Variants in KCTD8 observed in about 807,000 individuals in gnomAD.
The protein encoded by KCTD8 is BTB/POZ domain-containing protein KCTD8.
Under a neutral mutation model 31.5 loss-of-function variants are expected in KCTD8, and 27 were observed. The observed-to-expected ratio is 0.86, with a 90% CI of 0.63 to 1.18. The LOEUF is 1.18. KCTD8 is among the 50% of genes most tolerant of loss of function. The probability of loss-of-function intolerance (pLI) is 0.00; values close to 1 mark genes in which losing one functional copy is unlikely to be tolerated. For missense variants in KCTD8, 658 were observed against 647.7 expected, an observed-to-expected ratio of 1.02 and a Z score of -0.17; for synonymous variants, 290 against 280.0, an observed-to-expected ratio of 1.04 and a Z score of -0.36.
At chr4:44,384,582 C>G (rs1213817794) in intron 1 of KCTD8, among the ~76,000 whole-genome samples, 1 of 151,678 alleles carries the variant, frequency 6.6e-6, no homozygotes, top group Non-Finnish European at 1.5e-5. Flanking sequence ...AAAGATTGCT[C>G]TCATATAAGT....
chr4:44,226,339 G>C (rs1398344865), intron 1 of KCTD8, among the ~76,000 whole-genome samples: 2 of 152,076 alleles, frequency 1.3e-5, no homozygotes, highest in Admixed American at 6.6e-5. Flanking sequence ...ATGGCTTTCA[G>C]CTTCATCTAT....
rs1713122353 is a variant in KCTD8, at chr4:44,174,057, T to G, written c.*733A>C. On this transcript the variant is annotated 3_prime_UTR_variant, in exon 2 of 2. Transcript: ENST00000360029. Reference sequence around the variant, plus strand: ...CTCATTTCACAGTAATAATCATGACTAGCATTAGTAAATGAATGTTGATGC... The same window carrying G: ...CTCATTTCACAGTAATAATCATGACGAGCATTAGTAAATGAATGTTGATGC... The G allele has an allele frequency of 6.6e-6, 1 of 152,140 alleles. No individual in the cohort carries two copies. The allele number at this position is 152,140 out of a possible 1,614,324, so 9.4% of individuals were successfully genotyped here. A position where few individuals can be genotyped will look rare whatever the true frequency, so the allele number is the denominator to read the frequency against.
At chr4:44,232,806 T>C (rs1715162878) in intron 1 of KCTD8, among the ~76,000 whole-genome samples, 1 of 151,994 alleles carries the variant, frequency 6.6e-6, no homozygotes, top group Non-Finnish European at 1.5e-5. Context: ...CAATATTATT[T>C]ATACTTATTT....
At chr4:44,399,609 C>A (rs1286478889) in intron 1 of KCTD8, among the ~76,000 whole-genome samples, 3 of 152,104 alleles carry the variant, frequency 2.0e-5, no homozygotes, top group Admixed American at 1.3e-4. Context: ...GGTCCCCCAG[C>A]ATAATTCAGG....
Position 44,330,646 on chromosome 4 carries a change from T to C in KCTD8, c.961+116917A>G, listed in dbSNP as rs1489554783. Among the ~76,000 whole-genome samples, 13 of 152,080 alleles carry C rather than the reference T, an allele frequency of 8.5e-5. No individual in the cohort carries two copies. The East Asian group carries it at 2.3e-3, about 27-fold the overall frequency. Reference sequence around the variant, plus strand: ...TCTGACAATTACCACAGGTGTGAACTTCAATAATTCAATTAATTAATTTTT... The same window carrying C: ...TCTGACAATTACCACAGGTGTGAACCTCAATAATTCAATTAATTAATTTTT... On this transcript the variant is annotated intron_variant, in intron 1 of 1. Coordinates refer to ENST00000360029, the MANE Select transcript of KCTD8 (RefSeq NM_198353.3).
intron 1 of KCTD8, among the ~76,000 whole-genome samples, chr4:44,400,990 C>T (rs2109456485): frequency 1.3e-5 from 2 of 150,082 alleles, no homozygotes; most frequent in East Asian, 2.0e-4. Context: ...GTGCACACTA[C>T]CATGATGGCT....
At chr4:44,376,532 G>A (rs930262578) in intron 1 of KCTD8, among the ~76,000 whole-genome samples, 10 of 152,224 alleles carry the variant, frequency 6.6e-5, no homozygotes, top group Middle Eastern at 3.4e-3. Context: ...TACTGTTGAT[G>A]TTTTCTACTG....
At chr4:44,332,678 C>A (rs962122277) in intron 1 of KCTD8, among the ~76,000 whole-genome samples, 1 of 151,866 alleles carries the variant, frequency 6.6e-6, no homozygotes, top group Non-Finnish European at 1.5e-5. Flanking sequence ...GAAATAGGTT[C>A]TTTTTCACTC....
chr4:44,370,050 G>C (rs1451036980), intron 1 of KCTD8, among the ~76,000 whole-genome samples: 2 of 152,224 alleles, frequency 1.3e-5, no homozygotes, highest in East Asian at 3.9e-4. Flanking sequence ...TTCTGACATT[G>C]CAATTCTGTT....
intron 1 of KCTD8, among the ~76,000 whole-genome samples, chr4:44,310,002 A>G (rs1717906943): frequency 6.6e-6 from 1 of 152,100 alleles, no homozygotes; most frequent in African/African-American, 2.4e-5. Flanking sequence ...CCTTGGAGAG[A>G]TCCTTAAAAG....
At chr4:44,313,384 T>C (rs1178324127) in intron 1 of KCTD8, among the ~76,000 whole-genome samples, 1 of 152,216 alleles carries the variant, frequency 6.6e-6, no homozygotes, top group Non-Finnish European at 1.5e-5. Context: ...CAGGCAGTGA[T>C]GCCCTAAAGT....
At chr4:44,407,507 C>T (rs532170486) in intron 1 of KCTD8, among the ~76,000 whole-genome samples, 86 of 152,040 alleles carry the variant, frequency 5.7e-4, no homozygotes, top group African/African-American at 2.0e-3. Flanking sequence ...CTGTCTCAGC[C>T]TCCTGAGTAG....
intron 1 of KCTD8, among the ~76,000 whole-genome samples, chr4:44,229,640 G>A (rs535855281): frequency 9.9e-5 from 15 of 152,180 alleles, no homozygotes; most frequent in Admixed American, 3.3e-4. Context: ...CTTGGTGCCC[G>A]CTTGGGTCTC....
chr4:44,247,112 C>T (rs1195362629), intron 1 of KCTD8, among the ~76,000 whole-genome samples: 3 of 152,020 alleles, frequency 2.0e-5, no homozygotes, highest in Non-Finnish European at 4.4e-5. Flanking sequence ...GTCATTGTCA[C>T]CACCTAAGCG....
chr4:44,385,222 G>A (rs924215015), intron 1 of KCTD8, among the ~76,000 whole-genome samples: 2 of 151,474 alleles, frequency 1.3e-5, no homozygotes, highest in African/African-American at 2.4e-5. Flanking sequence ...AAAAAGTTCA[G>A]CCTAAAATTC....
chr4:44,189,141 C>T (rs908482666), intron 1 of KCTD8, among the ~76,000 whole-genome samples: 12 of 152,082 alleles, frequency 7.9e-5, no homozygotes, highest in African/African-American at 1.7e-4. Context: ...CAGGCTCTAT[C>T]GAATTATCTT....
At chr4:44,377,341 C>G (rs748383238) in intron 1 of KCTD8, among the ~76,000 whole-genome samples, 1 of 152,122 alleles carries the variant, frequency 6.6e-6, no homozygotes, top group African/African-American at 2.4e-5. Context: ...TCCTGAGAAG[C>G]GCCCTTTCTG....
At chr4:44,308,808 A>G (rs1436192864) in intron 1 of KCTD8, among the ~76,000 whole-genome samples, 1 of 152,156 alleles carries the variant, frequency 6.6e-6, no homozygotes, top group African/African-American at 2.4e-5. Flanking sequence ...ATGAATATGA[A>G]AAAACACATA....
intron 1 of KCTD8, among the ~76,000 whole-genome samples, chr4:44,388,420 T>C (rs1423273840): frequency 2.6e-5 from 4 of 151,782 alleles, no homozygotes; most frequent in African/African-American, 7.2e-5. Flanking sequence ...TTCACTGCAG[T>C]ACTATTTACA....
Sources: allele counts gnomAD v4.1 joint callset (sites outside exome capture counted in the v4.1 genomes callset), GRCh38; gene constraint gnomAD v4.1.1; transcripts MANE v1.5; gene names NCBI Gene and HGNC (gene_info 2026-07-23, HGNC 2026-07-21).